The following DDX46 variants were observed in gnomAD, a reference collection of about 807,000 sequenced individuals.
The protein encoded by DDX46 is probable ATP-dependent RNA helicase DDX46.
A neutral mutation model predicts 134.9 loss-of-function variants in DDX46; 30 were observed. That is an observed-to-expected ratio of 0.22 (90% CI 0.17 to 0.30). The LOEUF is 0.30. Among genes scored for constraint, DDX46 ranks in the 10% least tolerant of loss-of-function variants. DDX46 has a pLI of 1.00. For synonymous variants in DDX46, 415 were observed against 404.1 expected, an observed-to-expected ratio of 1.03 and a Z score of -0.32; for missense variants, 622 against 1,248.7, an observed-to-expected ratio of 0.50 and a Z score of 7.56.
intron 18 of DDX46, among the ~76,000 whole-genome samples, chr5:134,813,413 A>G (rs1389936510): frequency 1.3e-5 from 2 of 152,124 alleles, no homozygotes; most frequent in Non-Finnish European, 2.9e-5. Context: ...TGCAGGCTTG[A>G]CTGTTGCTGG....
Position 134,812,567 on chromosome 5 carries a change from G to A in DDX46, c.2436+722G>A, listed in dbSNP as rs151322947. On this transcript the variant is annotated intron_variant, in intron 18 of 22. Transcript: ENST00000452510. Reference sequence around the variant, plus strand: ...GATGTTAGGTCCAGGACCACAGTGGGAGTTAACACAGACAGGACCAGAACC... The same window carrying A: ...GATGTTAGGTCCAGGACCACAGTGGAAGTTAACACAGACAGGACCAGAACC... Among the ~76,000 whole-genome samples the A allele has an allele frequency of 9.9e-5, 15 of 152,166 alleles. No homozygotes were observed. The East Asian group carries it at 1.7e-3, about 18-fold the overall frequency.
chr5:134,780,672 AT>A (rs1754124692), intron 6 of DDX46: 1 of 151,478 alleles, frequency 6.6e-6, no homozygotes, highest in Non-Finnish European at 1.5e-5. Flanking sequence ...AAATATAATT[AT>A]ATTATGCTTA....
At chr5:134,796,292 G>A (rs1754651179) in intron 15 of DDX46, 142 bp downstream of exon 15, 1 of 882,730 alleles carries the variant, frequency 1.1e-6, no homozygotes, top group Non-Finnish European at 1.7e-6. Context: ...TGCTTTGTGG[G>A]AGTAAGATTA....
intron 21 of DDX46, among the ~76,000 whole-genome samples, chr5:134,823,546 CA>C (rs1755513378): frequency 6.6e-6 from 1 of 152,118 alleles, no homozygotes; most frequent in South Asian, 2.1e-4. Context: ...CAGAACTAGG[CA>C]AACTACACTT....
At position 134,773,687 on chromosome 5, in the gene DDX46, T is replaced by C; in HGVS notation, c.448-9T>C. ...TCCCCCATCTCTTTCTTTCTTTTAT[T>C]CCCCCAAGAACTTTGACCAGAATAA... On this transcript the variant is annotated splice_polypyrimidine_tract_variant and intron_variant, in intron 4 of 22. Coordinates refer to ENST00000452510, the MANE Select transcript of DDX46 (RefSeq NM_001300860.2). 1.3e-6 allele frequency: 2 copies of C among 1,562,934 alleles called. No homozygotes were observed. The highest frequency in any genetic ancestry group is 8.6e-7 in the Non-Finnish European group (1 of 1,159,570).
intron 21 of DDX46, among the ~76,000 whole-genome samples, chr5:134,824,104 A>G (rs1755526818): frequency 1.3e-5 from 2 of 152,180 alleles, no homozygotes; most frequent in Admixed American, 1.3e-4. Flanking sequence ...TCTACTACCA[A>G]GTGATGTGAA....
chr5:134,759,193 C>A, intron 1 of DDX46, among the ~76,000 whole-genome samples: 1 of 152,338 alleles, frequency 6.6e-6, no homozygotes, highest in Admixed American at 6.5e-5. Context: ...GGGAACAACC[C>A]TCCAGGACGT....
At chr5:134,823,157 C>CTTTTTTTTTTTT (rs201053941) in intron 21 of DDX46, among the ~76,000 whole-genome samples, 4 of 111,218 alleles carry the variant, frequency 3.6e-5, no homozygotes, top group Admixed American at 1.9e-4. Flanking sequence ...TTAATTTCAT[C>CTTTTTTTTTTTT]TTTTTTTTTT....
chr5:134,785,072 A>G (rs1754289415), intron 10 of DDX46, among the ~76,000 whole-genome samples: 2 of 152,318 alleles, frequency 1.3e-5, no homozygotes, highest in South Asian at 4.1e-4. Context: ...GGCATAGTAT[A>G]TCTCTCCTCT....
At chr5:134,776,995 G>A (rs1201398347) in intron 5 of DDX46, among the ~76,000 whole-genome samples, 1 of 151,188 alleles carries the variant, frequency 6.6e-6, no homozygotes, top group African/African-American at 2.4e-5. Context: ...GGCGGATCAC[G>A]AGGTTAGGAG....
At chr5:134,793,699 C>G (rs1754574321) in intron 13 of DDX46, among the ~76,000 whole-genome samples, 1 of 152,186 alleles carries the variant, frequency 6.6e-6, no homozygotes, top group South Asian at 2.1e-4. Context: ...GCCACCACAC[C>G]CAGCCTGAAA....
chr5:134,828,138 A>G (rs1165895426), intron 22 of DDX46, among the ~76,000 whole-genome samples: 1 of 152,200 alleles, frequency 6.6e-6, no homozygotes, highest in Non-Finnish European at 1.5e-5. Flanking sequence ...GTTGCAGCTT[A>G]TAAACACTCC....
intron 8 of DDX46, 51 bp downstream of exon 8, chr5:134,782,137 C>T (rs1334322451): frequency 6.8e-7 from 1 of 1,472,142 alleles, no homozygotes; most frequent in African/African-American, 1.4e-5. Context: ...GAAGAGGATA[C>T]ATTTCACATT....
chr5:134,768,067 G>C (rs544971059), intron 3 of DDX46, among the ~76,000 whole-genome samples: 2 of 152,056 alleles, frequency 1.3e-5, no homozygotes, highest in South Asian at 4.2e-4. Context: ...CATACACATG[G>C]TAATTTGATA....
rs145929172 is a variant in DDX46, at chr5:134,801,395, T to A, written c.1954+5245T>A. 3.9e-5 allele frequency among the ~76,000 whole-genome samples: 6 copies of A among 152,196 alleles called. No individual in the cohort carries two copies. The East Asian group carries it at 1.2e-3, about 29-fold the overall frequency. On this transcript the variant is annotated intron_variant, in intron 15 of 22. Coordinates refer to ENST00000452510, the MANE Select transcript of DDX46 (RefSeq NM_001300860.2). ...AGTTCCAAGTTCTTGCATAGTTTATTTATTTATTTTTTTCCTTGAGACAAC... is the reference window on the plus strand; with the variant it reads ...AGTTCCAAGTTCTTGCATAGTTTATATATTTATTTTTTTCCTTGAGACAAC...
At position 134,771,071 on chromosome 5, in the gene DDX46, C is replaced by CTCTT. The variant is rs35505581; in HGVS notation, c.447+88_447+91dup. Reference sequence around the variant, plus strand: ...TTCTTTCTTTCTTTTCTTTCTTTCCCTCTTTCTTTCTTTCTTTCTCTTTCT... The same window carrying CTCTT: ...TTCTTTCTTTCTTTTCTTTCTTTCCCTCTTTCTTTCTTTCTTTCTTTCTCTTTCT... On this transcript the variant is annotated intron_variant, in intron 4 of 22. Coordinates refer to ENST00000452510, the MANE Select transcript of DDX46 (RefSeq NM_001300860.2). 1,669 of 618,826 alleles carry CTCTT rather than the reference C, an allele frequency of 2.7e-3. 5 individuals carry two copies. The highest frequency in any genetic ancestry group is 4.2e-3 in the Middle Eastern group (9 of 2,162). The allele number at this position is 618,826 out of a possible 1,614,324, so 38.3% of individuals were successfully genotyped here. A position where few individuals can be genotyped will look rare whatever the true frequency, so the allele number is the denominator to read the frequency against.
chr5:134,812,081 T>G, intron 18 of DDX46, among the ~76,000 whole-genome samples: 1 of 147,936 alleles, frequency 6.8e-6, no homozygotes, highest in Admixed American at 6.8e-5. Flanking sequence ...TTTTTTTTTT[T>G]GCGATGGGAG....
chr5:134,801,108 AC>A (rs1754815273), intron 15 of DDX46, among the ~76,000 whole-genome samples: 1 of 151,924 alleles, frequency 6.6e-6, no homozygotes, highest in African/African-American at 2.4e-5. Flanking sequence ...GCATAGCAAG[AC>A]CCCATCTCTA....
intron 12 of DDX46, among the ~76,000 whole-genome samples, chr5:134,789,810 G>C (rs1754452036): frequency 6.6e-6 from 1 of 152,170 alleles, no homozygotes; most frequent in Non-Finnish European, 1.5e-5. Context: ...TAGGAAGCCA[G>C]TTGCATTTAT....
Sources: allele counts gnomAD v4.1 joint callset (sites outside exome capture counted in the v4.1 genomes callset), GRCh38; gene constraint gnomAD v4.1.1; transcripts MANE v1.5; gene names NCBI Gene and HGNC (gene_info 2026-07-23, HGNC 2026-07-21).